The following CCDC148 variants were observed in gnomAD, a reference collection of about 807,000 sequenced individuals.
CCDC148 encodes the protein coiled-coil domain containing 148, also known as coiled-coil domain-containing protein 148.
CCDC148 carries 89 observed loss-of-function variants against 85.7 expected under a neutral mutation model. The ratio of observed to expected loss-of-function variants is 1.04; its 90% confidence interval spans 0.87 to 1.24. CCDC148 has a LOEUF of 1.24. Among genes scored for constraint, CCDC148 ranks in the 50% most tolerant of loss-of-function variants. CCDC148 has a pLI of 0.00. For missense variants in CCDC148, 692 were observed against 671.7 expected (o/e 1.03, Z -0.33); for synonymous variants, 230 against 213.9 (o/e 1.08, Z -0.66).
At chr2:158,194,992 G>A (rs1487342715) in intron 11 of CCDC148, among the ~76,000 whole-genome samples, 1 of 151,706 alleles carries the variant, frequency 6.6e-6, no homozygotes, top group East Asian at 2.0e-4. Flanking sequence ...AGTTCTGCAT[G>A]TGCTACAGTC....
At chr2:158,430,152 T>A (rs1165912429) in intron 1 of CCDC148, among the ~76,000 whole-genome samples, 1 of 152,144 alleles carries the variant, frequency 6.6e-6, no homozygotes, top group African/African-American at 2.4e-5. Context: ...CACACAGGGA[T>A]GAAGATGTTT....
chr2:158,453,044 A>G (rs963689744), intron 1 of CCDC148, among the ~76,000 whole-genome samples: 1 of 152,190 alleles, frequency 6.6e-6, no homozygotes, highest in African/African-American at 2.4e-5. Context: ...CTCTCCCAAC[A>G]TCCTGATTCC....
chr2:158,341,268 T>C (rs1455450602), intron 3 of CCDC148, among the ~76,000 whole-genome samples: 2 of 151,286 alleles, frequency 1.3e-5, no homozygotes, highest in Non-Finnish European at 2.9e-5. Flanking sequence ...GAGCAACAAA[T>C]CTTCATGAGC....
At chr2:158,366,092 G>T in intron 1 of CCDC148, 1 of 1,480,122 alleles carries the variant, frequency 6.8e-7, no homozygotes, top group Non-Finnish European at 9.1e-7. Context: ...AAGGAAACGA[G>T]AGAACTAAAA....
intron 1 of CCDC148, among the ~76,000 whole-genome samples, chr2:158,454,144 C>G (rs1223820900): frequency 2.0e-5 from 3 of 152,148 alleles, no homozygotes; most frequent in Non-Finnish European, 4.4e-5. Flanking sequence ...GCACAATCTT[C>G]AAAATCATTT....
At chr2:158,335,658 G>A (rs1441313685) in intron 7 of CCDC148, among the ~76,000 whole-genome samples, 1 of 152,070 alleles carries the variant, frequency 6.6e-6, no homozygotes, top group African/African-American at 2.4e-5. Flanking sequence ...ACAGTATGGG[G>A]GATACTGCCC....
At chr2:158,294,162 T>C (rs1328048512) in intron 9 of CCDC148, among the ~76,000 whole-genome samples, 2 of 152,066 alleles carry the variant, frequency 1.3e-5, no homozygotes, top group Non-Finnish European at 2.9e-5. Context: ...AAAGATCATG[T>C]AAGTGAAATC....
At chr2:158,284,270 TATA>T (rs1690506240) in intron 9 of CCDC148, among the ~76,000 whole-genome samples, 1 of 150,676 alleles carries the variant, frequency 6.6e-6, no homozygotes, top group African/African-American at 2.4e-5. Flanking sequence ...AAACTTAAAG[TATA>T]ATAATAAAAA....
chr2:158,355,869 T>C (rs1683603134), intron 2 of CCDC148, among the ~76,000 whole-genome samples: 1 of 134,118 alleles, frequency 7.5e-6, no homozygotes, highest in African/African-American at 3.4e-5. Context: ...ATGGTACTGG[T>C]ACCAAAACAG....
At chr2:158,448,976 C>T (rs890353289) in intron 1 of CCDC148, among the ~76,000 whole-genome samples, 2 of 151,976 alleles carry the variant, frequency 1.3e-5, no homozygotes, top group African/African-American at 2.4e-5. Flanking sequence ...TGCAGGTGCC[C>T]GCCACCACAT....
chr2:158,233,735 A>C (rs1387126259), intron 10 of CCDC148, among the ~76,000 whole-genome samples: 1 of 152,044 alleles, frequency 6.6e-6, no homozygotes, highest in East Asian at 1.9e-4. Flanking sequence ...CTCTAGGTCA[A>C]ACTGCTCATG....
intron 11 of CCDC148, among the ~76,000 whole-genome samples, chr2:158,201,216 G>C (rs905544678): frequency 6.6e-6 from 1 of 151,658 alleles, no homozygotes; most frequent in Non-Finnish European, 1.5e-5. Flanking sequence ...TTTAATATTG[G>C]TATTTTTCTT....
intron 1 of CCDC148, among the ~76,000 whole-genome samples, chr2:158,412,826 T>TTTATTA (rs70994204): frequency 1.9e-3 from 257 of 138,912 alleles, no homozygotes; most frequent in Admixed American, 2.4e-3. Context: ...AATATAAGTA[T>TTTATTA]TTATTATTAT....
chr2:158,313,322 C>T (rs1369933342), intron 8 of CCDC148, among the ~76,000 whole-genome samples: 1 of 152,284 alleles, frequency 6.6e-6, no homozygotes, highest in South Asian at 2.1e-4. Flanking sequence ...AGTACCACCC[C>T]CAGGGCAAGT....
At chr2:158,334,345 T>C (rs1001820288) in intron 7 of CCDC148, among the ~76,000 whole-genome samples, 4 of 152,142 alleles carry the variant, frequency 2.6e-5, no homozygotes, top group African/African-American at 9.7e-5. Flanking sequence ...ACTTATTTGA[T>C]AGATCAAAGA....
At chr2:158,315,589 T>C (rs1483051049) in intron 7 of CCDC148, among the ~76,000 whole-genome samples, 1 of 152,026 alleles carries the variant, frequency 6.6e-6, no homozygotes, top group Non-Finnish European at 1.5e-5. Flanking sequence ...GTCCAACCAG[T>C]TCTCTGTTCC....
intron 11 of CCDC148, among the ~76,000 whole-genome samples, chr2:158,181,832 GT>G (rs1389498074): frequency 6.6e-6 from 1 of 151,926 alleles, no homozygotes; most frequent in East Asian, 1.9e-4. Flanking sequence ...AGCATGAGAG[GT>G]TTTGATCAGG....
At chr2:158,438,983 T>C (rs1426904947) in intron 1 of CCDC148, among the ~76,000 whole-genome samples, 2 of 152,064 alleles carry the variant, frequency 1.3e-5, no homozygotes, top group Admixed American at 6.6e-5. Context: ...ACAACAGGTG[T>C]TGGAGAGGAT....
At chr2:158,324,479 T>C (rs1181928380) in intron 7 of CCDC148, among the ~76,000 whole-genome samples, 2 of 152,182 alleles carry the variant, frequency 1.3e-5, no homozygotes, top group Non-Finnish European at 2.9e-5. Context: ...ATTCCCTATT[T>C]GCTGGCTCTT....
Sources: allele counts gnomAD v4.1 joint callset (sites outside exome capture counted in the v4.1 genomes callset), GRCh38; gene constraint gnomAD v4.1.1; transcripts MANE v1.5; gene names NCBI Gene and HGNC (gene_info 2026-07-23, HGNC 2026-07-21).